Variants in KIF17 observed in about 807,000 individuals in gnomAD.
KIF17 encodes the protein kinesin-like protein KIF17.
Under a neutral mutation model 96.8 loss-of-function variants are expected in KIF17, and 80 were observed. The observed-to-expected ratio is 0.83, with a 90% CI of 0.69 to 1.00. The LOEUF (loss-of-function observed/expected upper bound fraction) is 1.00. Ranked by LOEUF, KIF17 falls within the 50% of genes least tolerant of loss-of-function variation. KIF17 has a pLI of 0.00. For synonymous variants in KIF17, 567 were observed against 587.5 expected, an observed-to-expected ratio of 0.97 and a Z score of 0.51; for missense variants, 1,280 against 1,372.9, an observed-to-expected ratio of 0.93 and a Z score of 1.07.
chr1:20,671,283 G>A (rs1395112015), intron 12 of KIF17, among the ~76,000 whole-genome samples: 2 of 152,146 alleles, frequency 1.3e-5, no homozygotes, highest in Non-Finnish European at 2.9e-5. Flanking sequence ...TATGTGCCAG[G>A]CACTGCTGTA....
intron 2 of KIF17, among the ~76,000 whole-genome samples, chr1:20,715,179 A>C (rs1172723528): frequency 2.6e-5 from 4 of 152,202 alleles, no homozygotes; most frequent in Non-Finnish European, 5.9e-5. Context: ...GACTTGGTCC[A>C]TAACAATTGC....
At position 20,709,613 on chromosome 1, in the gene KIF17, C is replaced by T; in HGVS notation, c.670+26G>A. On this transcript the variant is annotated intron_variant, in intron 4 of 14. Transcript: ENST00000400463. This position sits in a 1 kb window ranked among gnomAD's most constrained non-coding sequence, Gnocchi z 4.7. ...GGGAGTGGCTGGGTCATCTGTCCCCCTGCCCCCAACAATGGCCTCGCATAC... is the reference window on the plus strand; with the variant it reads ...GGGAGTGGCTGGGTCATCTGTCCCCTTGCCCCCAACAATGGCCTCGCATAC... 6.2e-7 allele frequency: 1 copy of T among 1,613,468 alleles called. No individual in the cohort carries two copies. Among genetic ancestry groups the T allele is most frequent in the Non-Finnish European group, 8.5e-7 (1 of 1,179,766 alleles).
intron 3 of KIF17, among the ~76,000 whole-genome samples, chr1:20,713,192 C>T (rs1431037718): frequency 6.6e-6 from 1 of 150,986 alleles, no homozygotes; most frequent in East Asian, 1.9e-4. Flanking sequence ...GATGGGTTTT[C>T]ACCATGTTGG....
At chr1:20,692,001 C>G (rs2054047458) in intron 6 of KIF17, among the ~76,000 whole-genome samples, 2 of 152,244 alleles carry the variant, frequency 1.3e-5, no homozygotes, top group African/African-American at 4.8e-5. Flanking sequence ...TGTTCTCACT[C>G]TGGCCCCAAC....
At chr1:20,694,744 A>G (rs1379492671) in intron 6 of KIF17, among the ~76,000 whole-genome samples, 1 of 152,196 alleles carries the variant, frequency 6.6e-6, no homozygotes, top group African/African-American at 2.4e-5. Context: ...TTGAACCTCA[A>G]AGCAATGCCC....
In KIF17 at chr1:20,667,049, A is replaced by G. The variant is rs1245247176; in HGVS notation, c.2791-718T>C. Among the ~76,000 whole-genome samples the G allele has an allele frequency of 3.3e-5, 5 of 152,140 alleles. No individual in the cohort carries two copies. In the East Asian group the frequency reaches 9.7e-4, roughly 29 times the overall value. On this transcript the variant is annotated intron_variant, in intron 13 of 14. Coordinates refer to ENST00000400463, the MANE Select transcript of KIF17 (RefSeq NM_001122819.3). ...CAATCAGAATCTCTCCCCAAGCTCT[A>G]GTTTCAGGATGCTTTAAGACAAGGG...
At chr1:20,693,892 TG>T (rs1436324944) in intron 6 of KIF17, 2 of 152,288 alleles carry the variant, frequency 1.3e-5, no homozygotes, top group African/African-American at 2.4e-5. Flanking sequence ...TGCTGTCTTC[TG>T]ACACCAGGGC....
chr1:20,715,355 A>T, intron 2 of KIF17, 138 bp downstream of exon 2: 1 of 1,141,284 alleles, frequency 8.8e-7, no homozygotes, highest in Non-Finnish European at 1.3e-6. Flanking sequence ...CCACCTTTTC[A>T]GAACCCAGAG....
intron 14 of KIF17, among the ~76,000 whole-genome samples, 197 bp downstream of exon 14, chr1:20,666,017 C>T (rs918797873): frequency 6.6e-6 from 1 of 152,214 alleles, no homozygotes; most frequent in Non-Finnish European, 1.5e-5. Flanking sequence ...CACCAGCGCC[C>T]GGGCTGGGCC....
chr1:20,699,509 T>A lies in KIF17; in HGVS notation c.1124-1021A>T, dbSNP rs1179773098. Among the ~76,000 whole-genome samples the A allele has an allele frequency of 6.6e-6, 1 of 152,066 alleles. No individual in the cohort carries two copies. The highest frequency in any genetic ancestry group is 1.9e-4 in the East Asian group (1 of 5,194). On this transcript the variant is annotated intron_variant, in intron 5 of 14. Coordinates refer to ENST00000400463, the MANE Select transcript of KIF17 (RefSeq NM_001122819.3). This position sits in a 1 kb window ranked among gnomAD's most constrained non-coding sequence, Gnocchi z 4.3. ...TGAACCAGATGGGCGGAGGTTGCAG[T>A]GAGCTGAGATGGCGCCACTGCACTC...
At position 20,672,097 on chromosome 1, in the gene KIF17, T is replaced by C. The variant is rs1469710171; in HGVS notation, c.2563A>G (p.Met855Val). The change falls in exon 12 of 15, where the codon ATG becomes GTG. Residue 855 changes from methionine to valine, a missense_variant. Met to Val is a conservative substitution (Grantham distance 21, BLOSUM62 1). Coordinates refer to ENST00000400463, the MANE Select transcript of KIF17 (RefSeq NM_001122819.3). The surrounding 1 kb of genome is among the most constrained non-coding windows in gnomAD (Gnocchi z 4.3). The stretch of plus-strand genomic sequence containing the variant: ...TGCTCCAGGAGCTGCTGCAAGAGCA[T>C]GGAGTCACGCTCCTGCCGGCGGATG... ...ATIRRQERDS[M>V]LLQQLLEQVQ... The C allele has an allele frequency of 6.2e-6, 10 of 1,614,126 alleles. No individual in the cohort carries two copies. The highest frequency in any genetic ancestry group is 8.5e-6 in the Non-Finnish European group (10 of 1,180,056).
intron 11 of KIF17, among the ~76,000 whole-genome samples, chr1:20,679,717 G>T (rs2053797853): frequency 6.6e-6 from 1 of 152,108 alleles, no homozygotes; most frequent in Non-Finnish European, 1.5e-5. Flanking sequence ...AAAAGATGGG[G>T]ACTTCAGTCC....
chr1:20,715,990 T>C (rs1311807583), intron 1 of KIF17, among the ~76,000 whole-genome samples: 1 of 152,192 alleles, frequency 6.6e-6, no homozygotes, highest in African/African-American at 2.4e-5. Context: ...CTCATGCCTG[T>C]AATCCCAGCA....
In KIF17 at chr1:20,717,779, A is replaced by AGGGGCGGGGCCAGCGCCGGCCACGG. The variant is rs1370118032; in HGVS notation, c.-98_-74dup. 2.8e-5 allele frequency: 41 copies of AGGGGCGGGGCCAGCGCCGGCCACGG among 1,441,170 alleles called. No homozygotes were observed. Among genetic ancestry groups the AGGGGCGGGGCCAGCGCCGGCCACGG allele is most frequent in the Non-Finnish European group, 3.3e-5 (37 of 1,105,352 alleles). 89.3% of individuals were successfully genotyped at this position (1,441,170 alleles called of 1,614,324 possible). Reference sequence around the variant, plus strand: ...CGGGGACTCCCAGCAGCCCGGGCCAAGGGGCGGGGCCAGCGCCGGCCACGG... The same window carrying AGGGGCGGGGCCAGCGCCGGCCACGG: ...CGGGGACTCCCAGCAGCCCGGGCCAAGGGGCGGGGCCAGCGCCGGCCACGGGGGGCGGGGCCAGCGCCGGCCACGG... On this transcript the variant is annotated 5_prime_UTR_variant, in exon 1 of 15. Transcript: ENST00000400463.
chr1:20,687,256 GCAGA>G lies in KIF17; in HGVS notation c.1938+128_1938+131del. The G allele has an allele frequency of 9.9e-7, 1 of 1,010,368 alleles. No homozygotes were observed. The allele number at this position is 1,010,368 out of a possible 1,614,324, so 62.6% of individuals were successfully genotyped here. On this transcript the variant is annotated intron_variant, in intron 8 of 14. Coordinates refer to ENST00000400463, the MANE Select transcript of KIF17 (RefSeq NM_001122819.3). This position sits in a 1 kb window ranked among gnomAD's most constrained non-coding sequence, Gnocchi z 4.4. ...GCCAGCCACCAGTGCCAGAGCCGCA[GCAGA>G]CACAGTGGAGCCACGGCCTGAGTGT...
Position 20,699,483 on chromosome 1 carries a change from T to C in KIF17, c.1124-995A>G, listed in dbSNP as rs534420306. Among the ~76,000 whole-genome samples the C allele has an allele frequency of 2.0e-5, 3 of 152,300 alleles. No homozygotes were observed. The highest frequency in any genetic ancestry group is 4.4e-5 in the Non-Finnish European group (3 of 68,024). On this transcript the variant is annotated intron_variant, in intron 5 of 14. Coordinates refer to ENST00000400463, the MANE Select transcript of KIF17 (RefSeq NM_001122819.3). This position sits in a 1 kb window ranked among gnomAD's most constrained non-coding sequence, Gnocchi z 4.3. ...CAGGAGGCTGAGGCAGGAGGATTGC[T>C]TGAACCAGATGGGCGGAGGTTGCAG...
Position 20,699,632 on chromosome 1 carries a change from G to A in KIF17, c.1124-1144C>T, listed in dbSNP as rs1183206989. Among the ~76,000 whole-genome samples the A allele has an allele frequency of 6.6e-6, 1 of 152,024 alleles. No homozygotes were observed. The highest frequency in any genetic ancestry group is 6.6e-5 in the Admixed American group (1 of 15,256). ...AGTCAAGGCATGAAGGAAGCAGCGA[G>A]GAGAGGGCGGGCACAGGAGGAGCTT... is the stretch of plus-strand genomic sequence containing the variant. On this transcript the variant is annotated intron_variant, in intron 5 of 14. Coordinates refer to ENST00000400463, the MANE Select transcript of KIF17 (RefSeq NM_001122819.3). The surrounding 1 kb of genome is among the most constrained non-coding windows in gnomAD (Gnocchi z 4.3).
At chr1:20,689,871 C>T (rs1164733354) in intron 7 of KIF17, among the ~76,000 whole-genome samples, 2 of 152,146 alleles carry the variant, frequency 1.3e-5, no homozygotes, top group East Asian at 1.9e-4. Flanking sequence ...TGAGCTGGGG[C>T]CCAGTCCATG....
intron 6 of KIF17, 138 bp downstream of exon 6, chr1:20,698,241 T>A: frequency 2.9e-6 from 2 of 697,426 alleles, no homozygotes; most frequent in Non-Finnish European, 5.2e-6. Flanking sequence ...GGCATCTCTT[T>A]GAGCTTCAGC....
Sources: allele counts gnomAD v4.1 joint callset (sites outside exome capture counted in the v4.1 genomes callset), GRCh38; gene constraint gnomAD v4.1.1; non-coding constraint Gnocchi (gnomAD v3.1); transcripts MANE v1.5; gene names NCBI Gene and HGNC (gene_info 2026-07-23, HGNC 2026-07-21).